SIPA1L1: variants seen among roughly 807,000 people sequenced by gnomAD.
SIPA1L1 encodes the protein signal-induced proliferation-associated 1-like protein 1.
SIPA1L1 carries 26 observed loss-of-function variants against 162.7 expected under a neutral mutation model. The ratio of observed to expected loss-of-function variants is 0.16; its 90% confidence interval spans 0.12 to 0.22. The LOEUF is 0.22. Among genes scored for constraint, SIPA1L1 ranks in the 10% least tolerant of loss-of-function variants. The probability of loss-of-function intolerance (pLI) is 1.00; values close to 1 mark genes in which losing one functional copy is unlikely to be tolerated. For synonymous variants in SIPA1L1, 829 were observed against 837.4 expected (o/e 0.99, Z 0.17); for missense variants, 1,874 against 2,241.0 (o/e 0.84, Z 3.31).
At chr14:71,641,053 A>G (rs1294833351) in intron 7 of SIPA1L1, among the ~76,000 whole-genome samples, 2 of 152,240 alleles carry the variant, frequency 1.3e-5, no homozygotes, top group African/African-American at 4.8e-5. Flanking sequence ...AATTTTAACT[A>G]AAGAACGGAG....
At chr14:71,430,260 C>G (rs1023353932) in intron 2 of SIPA1L1, among the ~76,000 whole-genome samples, 9 of 151,122 alleles carry the variant, frequency 6.0e-5, no homozygotes, top group African/African-American at 2.2e-4. Flanking sequence ...TTTTTTTTTG[C>G]ATGGTTGTCT....
At position 71,617,213 on chromosome 14, in the gene SIPA1L1, A is replaced by G. The variant is rs752737993; in HGVS notation, c.1499-1544A>G. ...TTTCTTCCTTGTTGTCAGTTGTTCT[A>G]TCACATTGCTGTCTGCATGCAAGTC... On this transcript the variant is annotated intron_variant, in intron 5 of 23. Transcript: ENST00000381232. Among the ~76,000 whole-genome samples the G allele has an allele frequency of 2.0e-4, 31 of 152,142 alleles. 1 individual carries two copies. The highest frequency in any genetic ancestry group is 2.9e-5 in the Non-Finnish European group (2 of 68,028).
intron 2 of SIPA1L1, among the ~76,000 whole-genome samples, chr14:71,440,815 A>G (rs1239558075): frequency 2.0e-5 from 3 of 152,102 alleles, no homozygotes; most frequent in Admixed American, 2.0e-4. Flanking sequence ...TGACTTGTCT[A>G]GGACTTGGAG....
intron 5 of SIPA1L1, 86 bp from the exon 6 acceptor site, chr14:71,618,671 T>C: frequency 3.3e-6 from 4 of 1,208,078 alleles, no homozygotes; most frequent in Non-Finnish European, 4.6e-6. Flanking sequence ...AATTTCTGAG[T>C]GACAACCTTA....
chr14:71,587,463 C>A (rs2034763469), intron 4 of SIPA1L1, 108 bp from the exon 5 acceptor site: 1 of 397,244 alleles, frequency 2.5e-6, no homozygotes, highest in African/African-American at 2.1e-5. Context: ...AACTGTGAAT[C>A]CTAATCCATT....
Position 71,479,118 on chromosome 14 carries a change from G to T in SIPA1L1, c.-464-33625G>T, listed in dbSNP as rs553779725. Among the ~76,000 whole-genome samples the T allele has an allele frequency of 4.6e-5, 7 of 152,122 alleles. No homozygotes were observed. The South Asian group carries it at 1.2e-3, about 27-fold the overall frequency. ...TGAGTCCAGGCTGGTGATTTCTTAC[G>T]AAAAAAGTGGGACGCTCATTGCCAG... On this transcript the variant is annotated intron_variant, in intron 2 of 23. Coordinates refer to ENST00000381232, the MANE Select transcript of SIPA1L1 (RefSeq NM_001386936.1).
intron 4 of SIPA1L1, among the ~76,000 whole-genome samples, chr14:71,551,808 C>T (rs1336648330): frequency 6.6e-6 from 1 of 152,022 alleles, no homozygotes; most frequent in East Asian, 1.9e-4. Flanking sequence ...GCTCATGTCC[C>T]AGAGTCTTTC....
At chr14:71,703,064 A>T (rs929744552) in intron 15 of SIPA1L1, among the ~76,000 whole-genome samples, 1 of 152,206 alleles carries the variant, frequency 6.6e-6, no homozygotes, top group Admixed American at 6.5e-5. Flanking sequence ...CCGGATTTCT[A>T]CTGCATAGCC....
intron 8 of SIPA1L1, among the ~76,000 whole-genome samples, chr14:71,656,335 C>CT (rs1298966077): frequency 2.5e-5 from 2 of 79,444 alleles, no homozygotes; most frequent in African/African-American, 1.3e-4. Context: ...ATACCAATGA[C>CT]ATTTTTTTTT....
intron 13 of SIPA1L1, among the ~76,000 whole-genome samples, chr14:71,686,317 C>T (rs2046286451): frequency 6.6e-6 from 1 of 152,170 alleles, no homozygotes; most frequent in Admixed American, 6.5e-5. Context: ...TACAAGGTTG[C>T]CCTAGCACTT....
intron 2 of SIPA1L1, among the ~76,000 whole-genome samples, chr14:71,447,369 C>A (rs751909102): frequency 6.6e-6 from 1 of 152,054 alleles, no homozygotes; most frequent in Non-Finnish European, 1.5e-5. Context: ...CCCTAACAAG[C>A]CTATGGTGCT....
intron 2 of SIPA1L1, among the ~76,000 whole-genome samples, chr14:71,397,390 A>G (rs535869986): frequency 1.3e-5 from 2 of 151,626 alleles, no homozygotes; most frequent in East Asian, 3.9e-4. Context: ...CAGCAATCTT[A>G]TTAACTAGTA....
chr14:71,443,293 T>C (rs1331994692), intron 2 of SIPA1L1, among the ~76,000 whole-genome samples: 3 of 152,168 alleles, frequency 2.0e-5, no homozygotes, highest in African/African-American at 2.4e-5. Context: ...CACAAGACTT[T>C]AGTGATATTC....
chr14:71,640,358 C>A (rs1471349351), intron 7 of SIPA1L1, among the ~76,000 whole-genome samples: 2 of 151,740 alleles, frequency 1.3e-5, no homozygotes, highest in Non-Finnish European at 2.9e-5. Context: ...AGAGCTTGAT[C>A]TAGAAAGAAA....
chr14:71,353,234 T>G (rs573479716), intron 2 of SIPA1L1, among the ~76,000 whole-genome samples: 93 of 152,360 alleles, frequency 6.1e-4, no homozygotes, highest in African/African-American at 1.9e-3. Context: ...TTCAGCTCTC[T>G]TAATGGTGTC....
intron 2 of SIPA1L1, among the ~76,000 whole-genome samples, chr14:71,459,752 T>C (rs894155102): frequency 6.6e-6 from 1 of 152,182 alleles, no homozygotes; most frequent in Admixed American, 6.5e-5. Flanking sequence ...TCCCAGCCCA[T>C]TGACTCAAAT....
chr14:71,465,294 C>A (rs569774165), intron 2 of SIPA1L1, among the ~76,000 whole-genome samples: 1 of 152,338 alleles, frequency 6.6e-6, no homozygotes, highest in East Asian at 1.9e-4. Context: ...TCAGCTCTTT[C>A]TCTACAGCAG....
intron 8 of SIPA1L1, among the ~76,000 whole-genome samples, chr14:71,650,935 G>T (rs1487703294): frequency 6.6e-6 from 1 of 151,742 alleles, no homozygotes; most frequent in Non-Finnish European, 1.5e-5. Flanking sequence ...CTTTGTTTTT[G>T]TTTTTTTGTA....
intron 2 of SIPA1L1, among the ~76,000 whole-genome samples, chr14:71,423,131 A>G (rs2043308559): frequency 6.6e-6 from 1 of 152,114 alleles, no homozygotes; most frequent in Admixed American, 6.5e-5. Context: ...TTTTGGAGAA[A>G]TGTTTATCCA....
Sources: gnomAD v4.1 joint callset for allele counts (sites outside exome capture counted in the v4.1 genomes callset) on GRCh38, gnomAD v4.1.1 for gene constraint, MANE v1.5 for transcripts, NCBI Gene and HGNC (gene_info 2026-07-23, HGNC 2026-07-21) for gene names.